The following CACNA1B variants were observed in gnomAD, a reference collection of about 807,000 sequenced individuals.
The protein encoded by CACNA1B is calcium voltage-gated channel subunit alpha1 B.
CACNA1B carries 70 observed loss-of-function variants against 247.2 expected under a neutral mutation model. The ratio of observed to expected loss-of-function variants is 0.28; its 90% CI spans 0.23 to 0.35. CACNA1B has a LOEUF of 0.35. Ranked by LOEUF, CACNA1B falls within the 10% of genes least tolerant of loss-of-function variation. The pLI is 1.00. For missense variants in CACNA1B, 2,367 were observed against 3,197.4 expected (o/e 0.74, Z 6.26); for synonymous variants, 1,231 against 1,294.4 (o/e 0.95, Z 1.05).
chr9:137,959,895 C>T (rs1307215809), intron 10 of CACNA1B, among the ~76,000 whole-genome samples: 1 of 152,182 alleles, frequency 6.6e-6, no homozygotes, highest in African/African-American at 2.4e-5. Context: ...AGGCCGCATG[C>T]CAGAGCCCCT....
rs539236907 is a variant in CACNA1B, at chr9:137,883,388, C to T, written c.530+505C>T. Among the ~76,000 whole-genome samples the T allele has an allele frequency of 3.9e-5, 6 of 152,324 alleles. No homozygotes were observed. In the South Asian group the frequency reaches 6.2e-4, roughly 16 times the overall value. ...CTGCCTGGGATGAGGCTGTGTGTGT[C>T]GAGTGCTTTCACAGTTCCTAGTGCC... On this transcript the variant is annotated intron_variant, in intron 3 of 46. Transcript: ENST00000371372.
At position 137,888,034 on chromosome 9, in the gene CACNA1B, C is replaced by T. The variant is rs1187430464; in HGVS notation, c.530+5151C>T. On this transcript the variant is annotated intron_variant, in intron 3 of 46. Coordinates refer to ENST00000371372, the MANE Select transcript of CACNA1B (RefSeq NM_000718.4). This position sits in a 1 kb window ranked among gnomAD's most constrained non-coding sequence, Gnocchi z 4.7. ...GGGGGCAGGGGGGCCTTGGCTCGGGCGTTGGAGGGCTCTGAGCACAGGTGT... is the reference window on the plus strand; with the variant it reads ...GGGGGCAGGGGGGCCTTGGCTCGGGTGTTGGAGGGCTCTGAGCACAGGTGT... Among the ~76,000 whole-genome samples the T allele has an allele frequency of 5.3e-5, 8 of 151,594 alleles. No individual in the cohort carries two copies. The highest frequency in any genetic ancestry group is 9.7e-5 in the African/African-American group (4 of 41,298).
At chr9:138,024,852 T>C (rs917127874) in intron 19 of CACNA1B, 103 bp from the exon 20 acceptor site, 14 of 795,452 alleles carry the variant, frequency 1.8e-5, no homozygotes, top group Admixed American at 4.2e-5. Context: ...CAGGCTGGTC[T>C]TGAACTCCTG....
At position 138,040,360 on chromosome 9, in the gene CACNA1B, T is replaced by G. The variant is rs558650254; in HGVS notation, c.3287-3414T>G. Reference sequence around the variant, plus strand: ...ATGGTGACCTTGTTTCATGGTGTGTTTGGTGATATTGCTTGAGTTCATATA... The same window carrying G: ...ATGGTGACCTTGTTTCATGGTGTGTGTGGTGATATTGCTTGAGTTCATATA... On this transcript the variant is annotated intron_variant, in intron 20 of 46. Transcript: ENST00000371372. 6.6e-5 allele frequency among the ~76,000 whole-genome samples: 10 copies of G among 152,140 alleles called. No individual in the cohort carries two copies. In the East Asian group the frequency reaches 1.9e-3, roughly 29 times the overall value.
Position 138,121,406 on chromosome 9 carries a change from T to A in CACNA1B, c.6490-63T>A. 7.7e-7 allele frequency: 1 copy of A among 1,304,600 alleles called. No individual in the cohort carries two copies. The highest frequency in any genetic ancestry group is 1.0e-6 in the Non-Finnish European group (1 of 963,772). The allele number at this position is 1,304,600 out of a possible 1,614,324, so 80.8% of individuals were successfully genotyped here. A position where few individuals can be genotyped will look rare whatever the true frequency, so the allele number is the denominator to read the frequency against. On this transcript the variant is annotated intron_variant, in intron 46 of 46. Transcript: ENST00000371372. The surrounding 1 kb of genome is among the most constrained non-coding windows in gnomAD (Gnocchi z 6.8). ...GCACCTGTGTGTGATGTGCTCTGTC[T>A]GTTGGTTCGGCTTTTTTTTTTTTTT...
In CACNA1B at chr9:138,105,760, C is replaced by T. The variant is rs1354484800; in HGVS notation, c.5381C>T (p.Thr1794Met). 2.6e-6 allele frequency: 4 copies of T among 1,567,368 alleles called. No individual in the cohort carries two copies. Among genetic ancestry groups the T allele is most frequent in the Non-Finnish European group, 3.5e-6 (4 of 1,157,142 alleles). The change falls in exon 39 of 47, where the codon ACG (threonine) becomes ATG (methionine). Residue 1794 changes from threonine (T) to methionine (M), a missense_variant. Coordinates refer to ENST00000371372, the MANE Select transcript of CACNA1B (RefSeq NM_000718.4). ...GACATGACTGTTCACTTCACGTCCA[C>T]GCTGATGGCCCTCATCCGGACGGCA... Reference protein sequence around the residue: ...NEDMTVHFTSTLMALIRTALE... With the variant: ...NEDMTVHFTSMLMALIRTALE...
rs1448099043 is a variant in CACNA1B, at chr9:137,919,801, G to A, written c.966+2370G>A. 6.6e-6 allele frequency among the ~76,000 whole-genome samples: 1 copy of A among 152,202 alleles called. No homozygotes were observed. Among genetic ancestry groups the A allele is most frequent in the East Asian group, 1.9e-4 (1 of 5,188 alleles). On this transcript the variant is annotated intron_variant, in intron 6 of 46. Coordinates refer to ENST00000371372, the MANE Select transcript of CACNA1B (RefSeq NM_000718.4). The surrounding 1 kb of genome is among the most constrained non-coding windows in gnomAD (Gnocchi z 4.6). Reference sequence around the variant, plus strand: ...CAGCCAGGACCGGGTGAGTGATGGGGTCTCAGAGTGGATTGCTGAAAAGCT... The same window carrying A: ...CAGCCAGGACCGGGTGAGTGATGGGATCTCAGAGTGGATTGCTGAAAAGCT...
Position 137,918,215 on chromosome 9 carries a change from G to T in CACNA1B, c.966+784G>T, listed in dbSNP as rs183593060. Among the ~76,000 whole-genome samples, 329 of 152,152 alleles carry T rather than the reference G, an allele frequency of 2.2e-3. 1 individual carries two copies. Among genetic ancestry groups the T allele is most frequent in the Non-Finnish European group, 3.8e-3 (258 of 67,966 alleles). On this transcript the variant is annotated intron_variant, in intron 6 of 46. Transcript: ENST00000371372. ...TTGAAGTTGAGTATAAGGCTTGGGGGGGGTGCCTGATGGCCCAGCTCCCTC... is the reference window on the plus strand; with the variant it reads ...TTGAAGTTGAGTATAAGGCTTGGGGTGGGTGCCTGATGGCCCAGCTCCCTC...
chr9:138,066,794 G>T (rs116798261), intron 31 of CACNA1B, among the ~76,000 whole-genome samples: 2 of 151,936 alleles, frequency 1.3e-5, no homozygotes, highest in South Asian at 4.2e-4. Context: ...AAAAGAAAAC[G>T]GTGTAAAAAT....
chr9:137,882,919 G>A lies in CACNA1B; in HGVS notation c.530+36G>A. 7 of 1,580,582 alleles carry A rather than the reference G, an allele frequency of 4.4e-6. No individual in the cohort carries two copies. Among genetic ancestry groups the A allele is most frequent in the African/African-American group, 2.8e-5 (2 of 72,662 alleles). ...TGAGGCCAGGAGGCCCAGCGTGTGA[G>A]GCCCGGGCGTGTGCTCTCTGAAGCT... On this transcript the variant is annotated intron_variant, in intron 3 of 46. Transcript: ENST00000371372. This position sits in a 1 kb window ranked among gnomAD's most constrained non-coding sequence, Gnocchi z 4.0.
At chr9:138,048,786 C>T (rs1440489766) in intron 23 of CACNA1B, among the ~76,000 whole-genome samples, 1 of 152,104 alleles carries the variant, frequency 6.6e-6, no homozygotes, top group Non-Finnish European at 1.5e-5. Flanking sequence ...GGCGTGATCT[C>T]AGCTCACTGC....
chr9:138,067,880 G>C (rs968596096), intron 31 of CACNA1B, among the ~76,000 whole-genome samples: 3 of 152,222 alleles, frequency 2.0e-5, no homozygotes, highest in Non-Finnish European at 2.9e-5. Context: ...TCACACAAGT[G>C]TTCCTGGCAC....
At chr9:137,879,292 G>C (rs1253952676) in intron 2 of CACNA1B, 133 bp downstream of exon 2, 4 of 630,436 alleles carry the variant, frequency 6.3e-6, no homozygotes, top group African/African-American at 1.8e-5. Flanking sequence ...TGAAGGAAAA[G>C]GTAGGCCTGG....
At position 137,957,984 on chromosome 9, in the gene CACNA1B, A is replaced by G. The variant is rs2133346472; in HGVS notation, c.1333+297A>G. ...TGTTGTGTCATCCCCTACCTCTCAA[A>G]TAGTACAAGGAACATTCTGGTTAAT... is the stretch of plus-strand genomic sequence containing the variant. On this transcript the variant is annotated intron_variant, in intron 10 of 46. Coordinates refer to ENST00000371372, the MANE Select transcript of CACNA1B (RefSeq NM_000718.4). The surrounding 1 kb of genome is among the most constrained non-coding windows in gnomAD (Gnocchi z 4.7). 6.6e-6 allele frequency among the ~76,000 whole-genome samples: 1 copy of G among 152,192 alleles called. No homozygotes were observed. Among genetic ancestry groups the G allele is most frequent in the East Asian group, 1.9e-4 (1 of 5,180 alleles).
At chr9:138,120,417 C>T (rs201088398) in intron 45 of CACNA1B, 45 bp downstream of exon 45, 126 of 1,505,804 alleles carry the variant, frequency 8.4e-5, no homozygotes, top group Non-Finnish European at 1.0e-4. Context: ...AGCTATGGCC[C>T]GAGTCAGGGG....
chr9:138,058,764 G>C lies in CACNA1B; in HGVS notation c.4473+31G>C. On this transcript the variant is annotated intron_variant, in intron 29 of 46. Coordinates refer to ENST00000371372, the MANE Select transcript of CACNA1B (RefSeq NM_000718.4). This position sits in a 1 kb window ranked among gnomAD's most constrained non-coding sequence, Gnocchi z 4.7. ...TGGGGCTCAGCGCAGAGGGGCAGCT[G>C]GCGCTGCTAGGGATTGGGATCTAAC... The C allele has an allele frequency of 6.4e-7, 1 of 1,565,856 alleles. No individual in the cohort carries two copies. Among genetic ancestry groups the C allele is most frequent in the Non-Finnish European group, 8.7e-7 (1 of 1,152,528 alleles).
Position 137,891,139 on chromosome 9 carries a change from G to A in CACNA1B, c.530+8256G>A, listed in dbSNP as rs562969249. The A allele has an allele frequency of 2.0e-4, 30 of 152,446 alleles. No homozygotes were observed. Among genetic ancestry groups the A allele is most frequent in the Admixed American group, 1.7e-3 (26 of 15,310 alleles). 9.4% of individuals were successfully genotyped at this position (152,446 alleles called of 1,614,324 possible). ...TGGCTACTTTAAATTTTGGGTCTGT[G>A]GCTGTTGGGCTGATGGAGCACAGCC... On this transcript the variant is annotated intron_variant, in intron 3 of 46. Transcript: ENST00000371372. This position sits in a 1 kb window ranked among gnomAD's most constrained non-coding sequence, Gnocchi z 4.3.
chr9:137,971,295 C>T lies in CACNA1B; in HGVS notation c.1334-88C>T, dbSNP rs973631998. ...ACCGGCTGGGGCTGGGGGCAGGTGTCCTCCAGAGTGCGTCTGTGGGGGTCC... is the reference window on the plus strand; with the variant it reads ...ACCGGCTGGGGCTGGGGGCAGGTGTTCTCCAGAGTGCGTCTGTGGGGGTCC... On this transcript the variant is annotated intron_variant, in intron 10 of 46. Transcript: ENST00000371372. This position sits in a 1 kb window ranked among gnomAD's most constrained non-coding sequence, Gnocchi z 4.4. 35 of 901,330 alleles carry T rather than the reference C, an allele frequency of 3.9e-5. No homozygotes were observed. Among genetic ancestry groups the T allele is most frequent in the Non-Finnish European group, 5.7e-5 (33 of 574,160 alleles). 55.8% of individuals were successfully genotyped at this position (901,330 alleles called of 1,614,324 possible). A position where few individuals can be genotyped will look rare whatever the true frequency, so the allele number is the denominator to read the frequency against.
Position 138,024,997 on chromosome 9 carries a change from G to T in CACNA1B, c.3111G>T (p.Val1037=), listed in dbSNP as rs1351338934. 2.5e-6 allele frequency: 4 copies of T among 1,595,856 alleles called. No individual in the cohort carries two copies. The highest frequency in any genetic ancestry group is 2.6e-6 in the Non-Finnish European group (3 of 1,171,258). The stretch of plus-strand genomic sequence containing the variant: ...TGGAGACCAGTGGGACTGTGACTGT[G>T]GGTCCCATGCACACACTGCCCAGCA... The part of the protein sequence containing the change: ...CDLETSGTVT[V]GPMHTLPSTC... Residue 1037 remains valine, a synonymous_variant, in exon 20 of 47, where the codon GTG becomes GTT. Transcript: ENST00000371372.
Sources: allele counts gnomAD v4.1 joint callset (sites outside exome capture counted in the v4.1 genomes callset), GRCh38; gene constraint gnomAD v4.1.1; non-coding constraint Gnocchi (gnomAD v3.1); transcripts MANE v1.5; gene names NCBI Gene and HGNC (gene_info 2026-07-23, HGNC 2026-07-21).